CCDC68: variants seen among roughly 807,000 people sequenced by gnomAD.
CCDC68 encodes coiled-coil domain-containing protein 68.
CCDC68 carries 45 observed loss-of-function variants against 47.1 expected under a neutral mutation model. The ratio of observed to expected loss-of-function variants is 0.96; its 90% CI spans 0.75 to 1.23. The LOEUF (loss-of-function observed/expected upper bound fraction) is 1.23, where lower values mean the gene tolerates loss of function less well. Among genes scored for constraint, CCDC68 ranks in the 50% most tolerant of loss-of-function variants. CCDC68 has a pLI of 0.00. For synonymous variants in CCDC68, 131 were observed against 129.5 expected, an observed-to-expected ratio of 1.01 and a Z score of -0.08; for missense variants, 353 against 373.6, an observed-to-expected ratio of 0.94 and a Z score of 0.45.
intron 11 of CCDC68, among the ~76,000 whole-genome samples, chr18:54,906,013 A>G (rs1308081353): frequency 6.6e-6 from 1 of 152,186 alleles, no homozygotes; most frequent in Non-Finnish European, 1.5e-5. Flanking sequence ...GGCTAGTTGT[A>G]GGAAAACAAA....
intron 2 of CCDC68, among the ~76,000 whole-genome samples, chr18:54,943,865 A>G (rs2044476717): frequency 6.6e-6 from 1 of 152,306 alleles, no homozygotes; most frequent in South Asian, 2.1e-4. Flanking sequence ...TGTTAGGTGA[A>G]GCCGGTGAAG....
At chr18:54,927,864 A>T (rs1406107252) in intron 8 of CCDC68, among the ~76,000 whole-genome samples, 1 of 152,194 alleles carries the variant, frequency 6.6e-6, no homozygotes, top group Non-Finnish European at 1.5e-5. Context: ...CAGAAGGTAC[A>T]ACATATGAGG....
At position 54,929,895 on chromosome 18, in the gene CCDC68, A is replaced by C. The variant is rs2044213983; in HGVS notation, c.601-1013T>G. ...TTAACCCAAACTTGGAAATAAAAAC[A>C]ATATACAGCATGCAGTTTTAATATC... On this transcript the variant is annotated intron_variant, in intron 7 of 11. Transcript: ENST00000591504. Among the ~76,000 whole-genome samples, 6 of 152,214 alleles carry C rather than the reference A, an allele frequency of 3.9e-5. 1 individual carries two copies. The South Asian group carries it at 1.0e-3, about 26-fold the overall frequency.
intron 11 of CCDC68, 25 bp from the exon 12 acceptor site, chr18:54,904,440 C>A (rs753141292): frequency 6.3e-6 from 10 of 1,590,214 alleles, no homozygotes; most frequent in Admixed American, 1.7e-5. Context: ...ACACGATGAT[C>A]AAAATGGAGA....
chr18:54,918,279 C>T (rs1181413793), intron 9 of CCDC68, among the ~76,000 whole-genome samples: 1 of 152,156 alleles, frequency 6.6e-6, no homozygotes, highest in Non-Finnish European at 1.5e-5. Context: ...CAGCACTGGC[C>T]GCCCTTCTGC....
chr18:54,945,875 C>CA (rs958662268), intron 1 of CCDC68, among the ~76,000 whole-genome samples: 1 of 152,084 alleles, frequency 6.6e-6, no homozygotes, highest in African/African-American at 2.4e-5. Context: ...GAGAAACACC[C>CA]ATAGAGTCAA....
Position 54,902,813 on chromosome 18 carries a change from T to C in CCDC68, c.*1545A>G, listed in dbSNP as rs1205042777. On this transcript the variant is annotated 3_prime_UTR_variant, in exon 12 of 12. Transcript: ENST00000591504. ...AATATCAATAGCCAAGTCAAAAGGTTCAAATTTTTGCTTCACAGTTAGCAG... is the reference window on the plus strand; with the variant it reads ...AATATCAATAGCCAAGTCAAAAGGTCCAAATTTTTGCTTCACAGTTAGCAG... The C allele has an allele frequency of 6.6e-6, 1 of 152,160 alleles. No homozygotes were observed. The highest frequency in any genetic ancestry group is 2.4e-5 in the African/African-American group (1 of 41,442). The allele number at this position is 152,160 out of a possible 1,614,324, so 9.4% of individuals were successfully genotyped here.
intron 9 of CCDC68, among the ~76,000 whole-genome samples, chr18:54,918,942 C>T (rs748609496): frequency 2.0e-5 from 3 of 152,168 alleles, no homozygotes; most frequent in Non-Finnish European, 4.4e-5. Context: ...ATTTCATACT[C>T]AAGGAAGGGC....
chr18:54,955,845 G>A (rs1284954435), intron 1 of CCDC68, among the ~76,000 whole-genome samples: 1 of 151,958 alleles, frequency 6.6e-6, no homozygotes, highest in Non-Finnish European at 1.5e-5. Context: ...AGCCTCCCCA[G>A]GAGCTGGGAT....
At chr18:54,907,697 A>G in intron 11 of CCDC68, 89 bp downstream of exon 11, 1 of 753,602 alleles carries the variant, frequency 1.3e-6, no homozygotes, top group Non-Finnish European at 2.4e-6. Context: ...ATAAGCAGTG[A>G]CAGACTGGAA....
intron 7 of CCDC68, among the ~76,000 whole-genome samples, chr18:54,932,670 C>A (rs200401202): frequency 6.6e-6 from 1 of 152,184 alleles, no homozygotes; most frequent in East Asian, 1.9e-4. Context: ...TGTCCAAGAT[C>A]TCCTGGAGAC....
intron 11 of CCDC68, 71 bp downstream of exon 11, chr18:54,907,715 T>C (rs1480743585): frequency 3.6e-6 from 3 of 833,616 alleles, no homozygotes; most frequent in Non-Finnish European, 6.2e-6. Context: ...GAATCTTTCT[T>C]GAGTGGGTTG....
chr18:54,943,932 G>A (rs562251778), intron 2 of CCDC68, among the ~76,000 whole-genome samples: 2 of 152,202 alleles, frequency 1.3e-5, no homozygotes, highest in African/African-American at 4.8e-5. Flanking sequence ...AAAGTGGACC[G>A]ATCACTTGAG....
At chr18:54,937,063 T>C (rs2044362380) in intron 5 of CCDC68, 105 bp from the exon 6 acceptor site, 1 of 1,045,656 alleles carries the variant, frequency 9.6e-7, no homozygotes, top group Non-Finnish European at 1.4e-6. Context: ...AACTATACCA[T>C]TTACAGCCTC....
intron 8 of CCDC68, among the ~76,000 whole-genome samples, chr18:54,921,303 C>G (rs556772855): frequency 6.6e-6 from 1 of 152,174 alleles, no homozygotes; most frequent in South Asian, 2.1e-4. Flanking sequence ...GGCAATATAC[C>G]CACGTAACAA....
At chr18:54,954,039 C>T (rs1461485706) in intron 1 of CCDC68, among the ~76,000 whole-genome samples, 4 of 108,390 alleles carry the variant, frequency 3.7e-5, no homozygotes, top group South Asian at 3.5e-4. Context: ...TTCCCTCCTT[C>T]CTTTCTTTCT....
Position 54,904,117 on chromosome 18 carries a change from G to T in CCDC68, c.*241C>A. 2.9e-6 allele frequency: 1 copy of T among 344,300 alleles called. No homozygotes were observed. The highest frequency in any genetic ancestry group is 5.2e-6 in the Non-Finnish European group (1 of 191,656). 21.3% of individuals were successfully genotyped at this position (344,300 alleles called of 1,614,324 possible). ...TTTTTTTTAATTTAAAGCAGAATCT[G>T]TCTTCCATCATGAGAAGGCACCTGG... is the stretch of plus-strand genomic sequence containing the variant. On this transcript the variant is annotated 3_prime_UTR_variant, in exon 12 of 12. Coordinates refer to ENST00000591504, the MANE Select transcript of CCDC68 (RefSeq NM_025214.3).
At chr18:54,907,925 G>A (rs1914112345) in intron 10 of CCDC68, 63 bp from the exon 11 acceptor site, 1 of 925,944 alleles carries the variant, frequency 1.1e-6, no homozygotes, top group Non-Finnish European at 1.8e-6. Context: ...CACCCTCAAT[G>A]CTTCTATTCA....
At chr18:54,936,246 G>A (rs1171422435) in intron 6 of CCDC68, among the ~76,000 whole-genome samples, 5 of 135,464 alleles carry the variant, frequency 3.7e-5, no homozygotes, top group African/African-American at 8.3e-5. Context: ...AAAATATATA[G>A]TTATATATAT....
Sources: gnomAD v4.1 joint callset for allele counts (sites outside exome capture counted in the v4.1 genomes callset) on GRCh38, gnomAD v4.1.1 for gene constraint, MANE v1.5 for transcripts, NCBI Gene and HGNC (gene_info 2026-07-23, HGNC 2026-07-21) for gene names.